The following SMARCAL1 variants were observed in gnomAD, a reference collection of about 807,000 sequenced individuals.
SMARCAL1 encodes the protein SNF2 related chromatin remodeling annealing helicase 1, also known as ATP-driven annealing helicase.
A neutral mutation model predicts 94.5 loss-of-function variants in SMARCAL1; 58 were observed. The ratio of observed to expected loss-of-function variants is 0.61; its 90% CI spans 0.50 to 0.76. The LOEUF is 0.76. SMARCAL1 is among the 30% of genes least tolerant of loss of function. SMARCAL1 has a pLI of 0.00. For synonymous variants in SMARCAL1, 422 were observed against 455.1 expected, an observed-to-expected ratio of 0.93 and a Z score of 0.93; for missense variants, 1,051 against 1,177.9, an observed-to-expected ratio of 0.89 and a Z score of 1.58.
At chr2:216,447,266 C>A in intron 11 of SMARCAL1, 108 bp downstream of exon 11, 1 of 1,346,526 alleles carries the variant, frequency 7.4e-7, no homozygotes, top group Non-Finnish European at 1.1e-6. Flanking sequence ...GAGCACTGGC[C>A]AGGGGAATGG....
intron 3 of SMARCAL1, 21 bp downstream of exon 3, chr2:216,415,536 C>A: frequency 6.8e-7 from 1 of 1,479,220 alleles, no homozygotes; most frequent in Non-Finnish European, 9.1e-7. Flanking sequence ...CATTTTTCAG[C>A]TGTTTTTTTT....
At chr2:216,447,302 T>C (rs914707357) in intron 11 of SMARCAL1, 144 bp downstream of exon 11, 2 of 1,060,292 alleles carry the variant, frequency 1.9e-6, no homozygotes, top group Non-Finnish European at 2.9e-6. Flanking sequence ...TTTCTTACTA[T>C]GGCCTTGGAA....
At chr2:216,461,068 GT>G (rs1410721366) in intron 12 of SMARCAL1, among the ~76,000 whole-genome samples, 32 of 151,354 alleles carry the variant, frequency 2.1e-4, no homozygotes, top group African/African-American at 6.8e-4. Flanking sequence ...GTGTGTGTGT[GT>G]GTGTGTGTGT....
intron 1 of SMARCAL1, among the ~76,000 whole-genome samples, chr2:216,413,268 T>C (rs777057824): frequency 2.0e-5 from 3 of 152,162 alleles, no homozygotes; most frequent in Non-Finnish European, 4.4e-5. Flanking sequence ...TACATCATCA[T>C]TGTAACCGTT....
intron 7 of SMARCAL1, among the ~76,000 whole-genome samples, chr2:216,430,901 T>A (rs573958168): frequency 3.9e-5 from 6 of 152,286 alleles, no homozygotes; most frequent in African/African-American, 1.2e-4. Context: ...CATCTGTCTG[T>A]GTTGTGGGTT....
intron 12 of SMARCAL1, among the ~76,000 whole-genome samples, chr2:216,455,030 CA>C (rs1398325742): frequency 7.2e-5 from 11 of 152,236 alleles, no homozygotes; most frequent in Non-Finnish European, 1.6e-4. Context: ...ATGGTCTTAG[CA>C]AACTGCACAC....
chr2:216,412,763 G>A (rs891727416), intron 1 of SMARCAL1, 115 bp downstream of exon 1: 1 of 152,550 alleles, frequency 6.6e-6, no homozygotes, highest in Admixed American at 6.5e-5. Context: ...CGTAGGGGTG[G>A]GAGTGGGGCG....
chr2:216,420,257 C>G (rs1396502943), intron 4 of SMARCAL1, 42 bp from the exon 5 acceptor site: 1 of 1,508,870 alleles, frequency 6.6e-7, no homozygotes, highest in South Asian at 1.1e-5. Context: ...ACATCATAGT[C>G]CCCTGCTTTA....
At chr2:216,433,966 G>A (rs1385871065) in intron 8 of SMARCAL1, among the ~76,000 whole-genome samples, 1 of 146,936 alleles carries the variant, frequency 6.8e-6, no homozygotes, top group Non-Finnish European at 1.5e-5. Context: ...TTTTTTTTCT[G>A]TCCTGGTGAT....
intron 11 of SMARCAL1, 24 bp downstream of exon 11, chr2:216,447,182 A>AC: frequency 9.9e-7 from 1 of 1,006,718 alleles, no homozygotes; most frequent in Non-Finnish European, 1.5e-6. Flanking sequence ...CTTCCCTCCC[A>AC]GCCCACCCAT....
At chr2:216,438,171 C>T (rs1694117537) in intron 9 of SMARCAL1, among the ~76,000 whole-genome samples, 1 of 152,214 alleles carries the variant, frequency 6.6e-6, no homozygotes, top group South Asian at 2.1e-4. Flanking sequence ...AGCAGGGATT[C>T]ATGAATCCCA....
At chr2:216,469,462 T>C (rs1694913077) in intron 14 of SMARCAL1, among the ~76,000 whole-genome samples, 1 of 151,884 alleles carries the variant, frequency 6.6e-6, no homozygotes, top group South Asian at 2.1e-4. Flanking sequence ...TTTTGTATTT[T>C]TAGTAGAGAC....
At chr2:216,413,523 G>A (rs1045632116) in intron 1 of SMARCAL1, among the ~76,000 whole-genome samples, 3 of 152,032 alleles carry the variant, frequency 2.0e-5, no homozygotes, top group Non-Finnish European at 4.4e-5. Flanking sequence ...AAAAAAATCC[G>A]AACTATATAC....
intron 12 of SMARCAL1, chr2:216,451,704 G>C (rs1416044306): frequency 1.3e-5 from 2 of 155,992 alleles, no homozygotes; most frequent in Non-Finnish European, 2.8e-5. Flanking sequence ...TATATTTTAG[G>C]ACTGTTTTCA....
At chr2:216,426,063 T>C (rs1693826782) in intron 6 of SMARCAL1, among the ~76,000 whole-genome samples, 2 of 152,354 alleles carry the variant, frequency 1.3e-5, no homozygotes, top group South Asian at 4.1e-4. Context: ...GGTTTTGCCA[T>C]GTTGGCCAGG....
At chr2:216,473,640 A>G (rs1050457614) in intron 14 of SMARCAL1, among the ~76,000 whole-genome samples, 1 of 152,186 alleles carries the variant, frequency 6.6e-6, no homozygotes, top group Non-Finnish European at 1.5e-5. Flanking sequence ...GGAAAACAGG[A>G]TATAAAACTT....
chr2:216,415,004 G>A lies in SMARCAL1; in HGVS notation c.300G>A (p.Lys100=), dbSNP rs1206614091. 1 of 1,614,220 alleles carries A rather than the reference G, an allele frequency of 6.2e-7. No individual in the cohort carries two copies. The highest frequency in any genetic ancestry group is 1.1e-5 in the South Asian group (1 of 91,080). ...HSFQAKGIWK[K]PEEMPTACPG... is the part of the protein sequence containing the mutation. The stretch of plus-strand genomic sequence containing the variant: ...TTCAGGCAAAGGGAATATGGAAAAA[G>A]CCAGAAGAAATGCCCACAGCCTGCC... Residue 100 remains lysine (K), a synonymous_variant, in exon 3 of 18, where the codon AAG becomes AAA. Transcript: ENST00000357276.
chr2:216,477,304 T>G, intron 16 of SMARCAL1, 95 bp downstream of exon 16: 1 of 906,014 alleles, frequency 1.1e-6, no homozygotes, highest in Non-Finnish European at 1.8e-6. Flanking sequence ...CTGCTTTTGC[T>G]AAGTAAGGTC....
chr2:216,464,555 T>C (rs773476582), intron 12 of SMARCAL1, 42 bp from the exon 13 acceptor site: 1 of 1,441,944 alleles, frequency 6.9e-7, no homozygotes, highest in African/African-American at 1.4e-5. Flanking sequence ...CCCAGAGTTC[T>C]CAGACTGGGG....
Sources: allele counts gnomAD v4.1 joint callset (sites outside exome capture counted in the v4.1 genomes callset), GRCh38; gene constraint gnomAD v4.1.1; transcripts MANE v1.5; gene names NCBI Gene and HGNC (gene_info 2026-07-23, HGNC 2026-07-21).